Variants in METTL25 observed in about 807,000 individuals in gnomAD.
METTL25 encodes methyltransferase like 25.
Under a neutral mutation model 71.6 loss-of-function variants are expected in METTL25, and 64 were observed. The ratio of observed to expected loss-of-function variants is 0.89; its 90% CI spans 0.73 to 1.10. The LOEUF is 1.10. METTL25 is among the 50% of genes least tolerant of loss of function. The pLI is 0.00. For synonymous variants in METTL25, 287 were observed against 250.3 expected (o/e 1.15, Z -1.38); for missense variants, 807 against 707.0 (o/e 1.14, Z -1.60).
chr12:82,478,842 A>T (rs2137326642), intron 11 of METTL25, 90 bp from the exon 12 acceptor site: 6 of 979,218 alleles, frequency 6.1e-6, no homozygotes, highest in African/African-American at 4.9e-5. Context: ...GTTTTTATGT[A>T]TTTTTTATAT....
At chr12:82,403,769 A>G (rs568229910) in intron 5 of METTL25, among the ~76,000 whole-genome samples, 2 of 152,300 alleles carry the variant, frequency 1.3e-5, no homozygotes, top group South Asian at 2.1e-4. Flanking sequence ...TCCATTTTAC[A>G]TGTTAAATCT....
At chr12:82,380,725 C>T (rs181257697) in intron 1 of METTL25, among the ~76,000 whole-genome samples, 155 of 152,282 alleles carry the variant, frequency 1.0e-3, no homozygotes, top group South Asian at 2.3e-3. Flanking sequence ...TCTGAGGATA[C>T]AGCAGTGAAT....
chr12:82,444,403 G>C (rs1890594356), intron 8 of METTL25, among the ~76,000 whole-genome samples: 1 of 152,172 alleles, frequency 6.6e-6, no homozygotes, highest in Admixed American at 6.6e-5. Flanking sequence ...ATGCTAAAGG[G>C]AGTTCTTCAG....
In METTL25 at chr12:82,461,294, G is replaced by A. The variant is rs150059783; in HGVS notation, c.1572+4474G>A. Among the ~76,000 whole-genome samples, 1,490 of 152,158 alleles carry A rather than the reference G, an allele frequency of 9.8e-3. 23 individuals carry two copies. The highest frequency in any genetic ancestry group is 0.034 in the African/African-American group (1,408 of 41,502). ...TTAGAAACAACATGAGATAATTAAC[G>A]TTTATCAAACCTTTGCTTTGTGCCA... On this transcript the variant is annotated intron_variant, in intron 9 of 11. Transcript: ENST00000248306.
In METTL25 at chr12:82,430,900, T is replaced by C; in HGVS notation, c.1287T>C (p.Thr429=). Residue 429 remains threonine (T), a synonymous_variant, in exon 6 of 12, where the codon ACT becomes ACC. Coordinates refer to ENST00000248306, the MANE Select transcript of METTL25 (RefSeq NM_032230.3). ...TTTTTCCCCCATCTGCAGAACGTAC[T>C]CAGGAAAAGTGGGGATTTCCAATGT... ...EEFENQHKER[T]QEKWGFPMCH... The C allele has an allele frequency of 1.3e-6, 2 of 1,580,458 alleles. No homozygotes were observed. Among genetic ancestry groups the C allele is most frequent in the Non-Finnish European group, 1.7e-6 (2 of 1,156,238 alleles).
intron 8 of METTL25, among the ~76,000 whole-genome samples, chr12:82,451,725 T>C (rs1295434822): frequency 1.3e-5 from 2 of 152,140 alleles, no homozygotes; most frequent in Non-Finnish European, 2.9e-5. Context: ...ATTTAAGTGA[T>C]TATTTGCCTA....
chr12:82,459,259 G>A (rs2731291), intron 9 of METTL25, among the ~76,000 whole-genome samples: 139,771 of 152,208 alleles, frequency 0.92, 64,581 homozygotes, highest in East Asian at 1. Context: ...TAGCCTGCAA[G>A]AACAAACTGA....
chr12:82,384,844 G>A (rs1884808825), intron 1 of METTL25, among the ~76,000 whole-genome samples: 1 of 151,782 alleles, frequency 6.6e-6, no homozygotes, highest in Non-Finnish European at 1.5e-5. Flanking sequence ...CTATTATAAT[G>A]GTCCCTTTGC....
intron 1 of METTL25, among the ~76,000 whole-genome samples, chr12:82,376,895 C>G (rs1883925398): frequency 6.6e-6 from 1 of 152,156 alleles, no homozygotes; most frequent in South Asian, 2.1e-4. Flanking sequence ...GCGGGCAGAT[C>G]ACAAGATCAG....
intron 5 of METTL25, among the ~76,000 whole-genome samples, chr12:82,424,883 A>G (rs1888875303): frequency 6.6e-6 from 1 of 152,058 alleles, no homozygotes; most frequent in African/African-American, 2.4e-5. Context: ...CTGGTAATGG[A>G]AGAAACAATG....
chr12:82,406,334 A>T (rs1404858074), intron 5 of METTL25, among the ~76,000 whole-genome samples: 2 of 152,218 alleles, frequency 1.3e-5, no homozygotes, highest in African/African-American at 2.4e-5. Context: ...AATACAAAGT[A>T]AGTCCCCGTA....
intron 11 of METTL25, 38 bp from the exon 12 acceptor site, chr12:82,478,894 C>T: frequency 6.5e-7 from 1 of 1,531,046 alleles, no homozygotes; most frequent in Non-Finnish European, 9.0e-7. Context: ...TTTTCTTCAA[C>T]AAATGGTTGT....
chr12:82,382,421 A>T (rs1884525777), intron 1 of METTL25, among the ~76,000 whole-genome samples: 1 of 152,208 alleles, frequency 6.6e-6, no homozygotes, highest in African/African-American at 2.4e-5. Flanking sequence ...TCCTGAGATT[A>T]TAAACATTCC....
At chr12:82,387,250 C>A (rs112712050) in intron 2 of METTL25, among the ~76,000 whole-genome samples, 3,313 of 152,032 alleles carry the variant, frequency 0.022, 120 homozygotes, top group African/African-American at 0.076. Flanking sequence ...CAGTGAGCTA[C>A]TACAAATTCC....
intron 1 of METTL25, among the ~76,000 whole-genome samples, chr12:82,378,520 A>G (rs1400571629): frequency 6.6e-6 from 1 of 152,250 alleles, no homozygotes; most frequent in Non-Finnish European, 1.5e-5. Flanking sequence ...AAACACATCT[A>G]TTTTGTGTTA....
At chr12:82,402,190 AT>A (rs1555208134) in intron 4 of METTL25, among the ~76,000 whole-genome samples, 1 of 152,118 alleles carries the variant, frequency 6.6e-6, no homozygotes, top group East Asian at 1.9e-4. Context: ...TTTGGAAAAA[AT>A]TTTTTAATTA....
At chr12:82,387,118 G>A in intron 2 of METTL25, 151 bp downstream of exon 2, 1 of 639,394 alleles carries the variant, frequency 1.6e-6, no homozygotes, top group Non-Finnish European at 2.5e-6. Context: ...TAGAAGTGTA[G>A]GTTTTCCCCT....
chr12:82,410,035 T>C (rs1409415976), intron 5 of METTL25, among the ~76,000 whole-genome samples: 1 of 152,058 alleles, frequency 6.6e-6, no homozygotes, highest in African/African-American at 2.4e-5. Flanking sequence ...GTTGTTGAGG[T>C]TTAAAAATTG....
chr12:82,399,088 A>G lies in METTL25; in HGVS notation c.825A>G (p.Ser275=). Residue 275 remains serine, a synonymous_variant, in exon 4 of 12, where the codon TCA becomes TCG. Transcript: ENST00000248306. The stretch of plus-strand genomic sequence containing the variant: ...CAAATCAAGAAAAGATGCCTACCTC[A>G]GCTATTTTGCCTGATTTTTCTGGCT... The part of the protein sequence containing the change: ...SPTNQEKMPT[S]AILPDFSGSV... The G allele has an allele frequency of 6.2e-7, 1 of 1,613,406 alleles. No homozygotes were observed. Among genetic ancestry groups the G allele is most frequent in the Non-Finnish European group, 8.5e-7 (1 of 1,179,526 alleles).
Sources: gnomAD v4.1 joint callset for allele counts (sites outside exome capture counted in the v4.1 genomes callset) on GRCh38, gnomAD v4.1.1 for gene constraint, MANE v1.5 for transcripts, NCBI Gene and HGNC (gene_info 2026-07-23, HGNC 2026-07-21) for gene names.